The following HDAC9 variants were observed in gnomAD, a reference collection of about 807,000 sequenced individuals.
HDAC9 encodes the protein MEF-2 interacting transcription repressor (MITR) protein.
Under a neutral mutation model 139.4 loss-of-function variants are expected in HDAC9, and 41 were observed. The ratio of observed to expected loss-of-function variants is 0.29; its 90% CI spans 0.23 to 0.38. HDAC9 has a LOEUF of 0.38. Among genes scored for constraint, HDAC9 ranks in the 10% least tolerant of loss-of-function variants. The pLI is 1.00. For missense variants in HDAC9, 1,147 were observed against 1,297.0 expected, an observed-to-expected ratio of 0.88 and a Z score of 1.78; for synonymous variants, 517 against 476.2, an observed-to-expected ratio of 1.09 and a Z score of -1.12.
At chr7:18,297,255 A>G (rs113569877) in intron 1 of HDAC9, among the ~76,000 whole-genome samples, 1 of 149,586 alleles carries the variant, frequency 6.7e-6, no homozygotes, top group Non-Finnish European at 1.5e-5. Flanking sequence ...TTTTTTATTT[A>G]AAAAACTTTT....
chr7:18,259,417 CA>C (rs1375377712), intron 2 of HDAC9, among the ~76,000 whole-genome samples: 1 of 152,168 alleles, frequency 6.6e-6, no homozygotes, highest in Non-Finnish European at 1.5e-5. Context: ...GGCTAGAGTG[CA>C]GTGGTGCAGT....
intron 2 of HDAC9, among the ~76,000 whole-genome samples, chr7:18,263,913 G>C (rs914064259): frequency 6.6e-6 from 1 of 152,064 alleles, no homozygotes; most frequent in Non-Finnish European, 1.5e-5. Context: ...GCCACCACGT[G>C]GGCCTGGCTG....
chr7:18,561,831 T>C (rs1192035880), intron 2 of HDAC9, among the ~76,000 whole-genome samples: 1 of 152,250 alleles, frequency 6.6e-6, no homozygotes, highest in Non-Finnish European at 1.5e-5. Flanking sequence ...CCACATTTTA[T>C]TTATCAGTGA....
intron 14 of HDAC9, among the ~76,000 whole-genome samples, chr7:18,750,612 G>C (rs561744702): frequency 2.0e-5 from 3 of 152,020 alleles, no homozygotes; most frequent in African/African-American, 4.8e-5. Context: ...CATTCATATT[G>C]TATGGCAGAA....
chr7:18,558,106 A>G (rs1819444346), intron 2 of HDAC9, among the ~76,000 whole-genome samples: 1 of 152,152 alleles, frequency 6.6e-6, no homozygotes, highest in African/African-American at 2.4e-5. Flanking sequence ...TAAACCAGTT[A>G]TAGGATACAG....
At chr7:18,968,726 G>A (rs1196881351) in intron 24 of HDAC9, among the ~76,000 whole-genome samples, 1 of 152,044 alleles carries the variant, frequency 6.6e-6, no homozygotes, top group African/African-American at 2.4e-5. Context: ...TTGGGAGGCC[G>A]AGGCGGGCGG....
intron 2 of HDAC9, among the ~76,000 whole-genome samples, chr7:18,570,803 C>T (rs1424244868): frequency 3.3e-5 from 5 of 152,244 alleles, no homozygotes; most frequent in South Asian, 4.1e-4. Context: ...GCATTCAGAA[C>T]GATGTTTGTT....
At chr7:18,368,409 A>G (rs549157201) in intron 1 of HDAC9, among the ~76,000 whole-genome samples, 3 of 152,122 alleles carry the variant, frequency 2.0e-5, no homozygotes, top group Non-Finnish European at 4.4e-5. Flanking sequence ...CAGTGCCACT[A>G]TTGCCATATA....
At chr7:18,528,470 A>G (rs1016523165) in intron 2 of HDAC9, among the ~76,000 whole-genome samples, 7 of 152,094 alleles carry the variant, frequency 4.6e-5, no homozygotes, top group Non-Finnish European at 1.0e-4. Context: ...GACCAAATGG[A>G]CTGTCAGATC....
intron 2 of HDAC9, among the ~76,000 whole-genome samples, chr7:18,285,046 G>A (rs979076595): frequency 1.3e-5 from 2 of 152,082 alleles, no homozygotes; most frequent in African/African-American, 4.8e-5. Flanking sequence ...CTAAACCAAA[G>A]TAAAATGAAC....
rs1786755341 is a variant in HDAC9, at chr7:18,393,687, C to T, written c.-41-102575C>T. 3.9e-5 allele frequency among the ~76,000 whole-genome samples: 6 copies of T among 152,242 alleles called. No individual in the cohort carries two copies. In the South Asian group the frequency reaches 1.2e-3, roughly 32 times the overall value. ...GGGAACCTCCCATTTCCCATTCCTG[C>T]TACCCTGACAGAGCTGCTTTTAATA... On this transcript the variant is annotated intron_variant, in intron 1 of 3. Coordinates refer to the HDAC9 transcript ENST00000413509.
chr7:18,736,806 A>G (rs1786953181), intron 13 of HDAC9, among the ~76,000 whole-genome samples: 1 of 152,182 alleles, frequency 6.6e-6, no homozygotes, highest in East Asian at 1.9e-4. Flanking sequence ...TTCAGAAGGA[A>G]TGGTATCAGC....
At chr7:18,767,734 T>C (rs1442673358) in intron 16 of HDAC9, among the ~76,000 whole-genome samples, 1 of 152,112 alleles carries the variant, frequency 6.6e-6, no homozygotes, top group Non-Finnish European at 1.5e-5. Context: ...TGAAGAAAAA[T>C]GTCTACATTT....
At chr7:18,589,346 C>G (rs1032338120) in intron 3 of HDAC9, among the ~76,000 whole-genome samples, 2 of 151,996 alleles carry the variant, frequency 1.3e-5, no homozygotes, top group African/African-American at 4.8e-5. Context: ...GGGAACATGG[C>G]AAGACTTTGT....
chr7:18,873,994 TA>T (rs201758002), intron 21 of HDAC9, among the ~76,000 whole-genome samples: 1,231 of 119,196 alleles, frequency 0.01, 7 homozygotes, highest in Admixed American at 0.016. Flanking sequence ...GATAAATATT[TA>T]AAAATGTTTT....
intron 1 of HDAC9, among the ~76,000 whole-genome samples, chr7:18,144,096 A>C (rs1408809845): frequency 1.3e-5 from 2 of 152,242 alleles, no homozygotes; most frequent in Non-Finnish European, 1.5e-5. Flanking sequence ...AAGGAAATAA[A>C]TAATAAAAGC....
chr7:18,869,878 GT>G (rs971517418), intron 21 of HDAC9, among the ~76,000 whole-genome samples: 1 of 113,042 alleles, frequency 8.8e-6, no homozygotes, highest in Non-Finnish European at 1.8e-5. Context: ...TCTTTTTTGG[GT>G]TTTTTTTGTT....
chr7:18,301,223 A>G (rs1279153841), intron 1 of HDAC9, among the ~76,000 whole-genome samples: 3 of 152,142 alleles, frequency 2.0e-5, no homozygotes, highest in Non-Finnish European at 4.4e-5. Flanking sequence ...TCGCTTCTCA[A>G]TATAAGCATC....
At chr7:18,971,459 G>A (rs1784239350) in intron 24 of HDAC9, among the ~76,000 whole-genome samples, 1 of 152,146 alleles carries the variant, frequency 6.6e-6, no homozygotes, top group Non-Finnish European at 1.5e-5. Flanking sequence ...TTTCTCGTAT[G>A]TGATAATGGT....
Sources: gnomAD v4.1 joint callset for allele counts (sites outside exome capture counted in the v4.1 genomes callset) on GRCh38, gnomAD v4.1.1 for gene constraint, MANE v1.5 for transcripts, NCBI Gene and HGNC (gene_info 2026-07-23, HGNC 2026-07-21) for gene names.